OR2T35: variants seen among roughly 807,000 people sequenced by gnomAD.
The protein encoded by OR2T35 is olfactory receptor family 2 subfamily T member 35 (gene/pseudogene), also known as olfactory receptor 2T35.
For synonymous variants in OR2T35, 18 were observed against 110.2 expected, an observed-to-expected ratio of 0.16 and a Z score of 5.24; for missense variants, 47 against 278.8, an observed-to-expected ratio of 0.17 and a Z score of 5.92.
In OR2T35 at chr1:248,643,230, GC is replaced by G. The variant is rs1245381183; in HGVS notation, c.-23+2016del. ...TCAGTGTTCTTTCAGTAAAAGAATG[GC>G]ATGTCACCAACATGTTACTAATCCT... is the stretch of plus-strand genomic sequence containing the variant. On this transcript the variant is annotated intron_variant, in intron 1 of 1. Transcript: ENST00000641268. 8.2e-3 allele frequency among the ~76,000 whole-genome samples: 401 copies of G among 48,700 alleles called. 2 individuals are homozygous for G. Among genetic ancestry groups the G allele is most frequent in the African/African-American group, 0.032 (372 of 11,658 alleles). 31.9% of individuals were successfully genotyped at this position (48,700 alleles called of 152,430 possible).
At chr1:248,639,409 G>A (rs1660762657) in intron 1 of OR2T35, 129 bp from the exon 2 acceptor site, 1 of 635,058 alleles carries the variant, frequency 1.6e-6, no homozygotes, top group South Asian at 1.9e-5. Flanking sequence ...TTGAAATCCT[G>A]GGTTTCAGTA....
intron 1 of OR2T35, 133 bp downstream of exon 1, chr1:248,645,114 G>T (rs1337826811): frequency 9.4e-5 from 6 of 63,614 alleles, no homozygotes; most frequent in South Asian, 1.0e-3. Context: ...GAAGAGGTTT[G>T]CTTGGCTTAA....
chr1:248,637,019 C>A lies in OR2T35; in HGVS notation c.*1268G>T, dbSNP rs1660716129. 1 of 14,700 alleles carries A rather than the reference C, an allele frequency of 6.8e-5. No individual in the cohort carries two copies. The highest frequency in any genetic ancestry group is 7.9e-5 in the African/African-American group (1 of 12,594). The allele number at this position is 14,700 out of a possible 1,614,324, so 0.9% of individuals were successfully genotyped here. A position where few individuals can be genotyped will look rare whatever the true frequency, so the allele number is the denominator to read the frequency against. ...CCAAAGTTACACATCTATCAAAGCA[C>A]CACACCTAACTCCAACTAATTACAA... On this transcript the variant is annotated 3_prime_UTR_variant, in exon 2 of 2. Coordinates refer to ENST00000641268, the MANE Select transcript of OR2T35 (RefSeq NM_001001827.2).
At chr1:248,645,015 G>C (rs376171563) in intron 1 of OR2T35, among the ~76,000 whole-genome samples, 3 of 9,528 alleles carry the variant, frequency 3.1e-4, no homozygotes, top group Non-Finnish European at 1.8e-3. Flanking sequence ...AATGGTAACT[G>C]TTTTCATTCG....
In OR2T35 at chr1:248,645,069, G is replaced by A. The variant is rs1445050059; in HGVS notation, c.-23+178C>T. Among the ~76,000 whole-genome samples, 5 of 129,470 alleles carry A rather than the reference G, an allele frequency of 3.9e-5. 1 individual carries two copies. Among genetic ancestry groups the A allele is most frequent in the African/African-American group, 1.1e-4 (4 of 36,056 alleles). 84.9% of individuals were successfully genotyped at this position (129,470 alleles called of 152,430 possible). On this transcript the variant is annotated intron_variant, in intron 1 of 1. Transcript: ENST00000641268. ...TCCCTCCCATCCCAACTGACAATTT[G>A]GAAATTTTCAGTGTGGAAAGTTAGG...
In OR2T35 at chr1:248,638,224, T is replaced by C. The variant is rs1660728495; in HGVS notation, c.*63A>G. Reference sequence around the variant, plus strand: ...CCTGATCAGTCACCACCCCTGATGCTCTGGGAGTCCCCGCTAATCCTTCCC... The same window carrying C: ...CCTGATCAGTCACCACCCCTGATGCCCTGGGAGTCCCCGCTAATCCTTCCC... On this transcript the variant is annotated 3_prime_UTR_variant, in exon 2 of 2. Transcript: ENST00000641268. 1 of 964,588 alleles carries C rather than the reference T, an allele frequency of 1.0e-6. No homozygotes were observed. Among genetic ancestry groups the C allele is most frequent in the African/African-American group, 1.5e-5 (1 of 66,416 alleles). The allele number at this position is 964,588 out of a possible 1,614,324, so 59.8% of individuals were successfully genotyped here. A position where few individuals can be genotyped will look rare whatever the true frequency, so the allele number is the denominator to read the frequency against.
intron 1 of OR2T35, among the ~76,000 whole-genome samples, chr1:248,644,483 C>G (rs1040972011): frequency 3.2e-5 from 4 of 123,946 alleles, no homozygotes; most frequent in Admixed American, 7.7e-5. Context: ...TCAAAAGGCT[C>G]GAAAATGGGA....
At chr1:248,644,192 CTA>C (rs1221028851) in intron 1 of OR2T35, among the ~76,000 whole-genome samples, 3 of 119,604 alleles carry the variant, frequency 2.5e-5, no homozygotes, top group African/African-American at 6.1e-5. Context: ...TGCAGGTTAA[CTA>C]AAACTATGGA....
intron 1 of OR2T35, among the ~76,000 whole-genome samples, chr1:248,643,756 A>ATG (rs376375805): frequency 0.35 from 5,123 of 14,634 alleles, 610 homozygotes; most frequent in African/African-American, 0.4. Context: ...TTTCAGTTTG[A>ATG]TGTGACAGCA....
At chr1:248,643,080 TA>T (rs1205476690) in intron 1 of OR2T35, among the ~76,000 whole-genome samples, 1 of 131,266 alleles carries the variant, frequency 7.6e-6, no homozygotes, top group Non-Finnish European at 1.7e-5. Context: ...TGGGGATTTC[TA>T]AAAATGAAAA....
chr1:248,638,508 A>G lies in OR2T35; in HGVS notation c.751T>C (p.Phe251Leu). The G allele has an allele frequency of 1.4e-6, 2 of 1,418,050 alleles. No homozygotes were observed. Among genetic ancestry groups the G allele is most frequent in the Non-Finnish European group, 2.0e-6 (2 of 1,020,628 alleles). The allele number at this position is 1,418,050 out of a possible 1,614,324, so 87.8% of individuals were successfully genotyped here. Residue 251 changes from phenylalanine (F) to leucine (L), a missense_variant, in exon 2 of 2, where the codon TTC becomes CTC. Coordinates refer to ENST00000641268, the MANE Select transcript of OR2T35 (RefSeq NM_001001827.2). ...TTGGTGTAGAAGGCTGCCCCGTAGA[A>G]AACGCTCACCACCATAATGTGGGAG... ...CSSHIMVVSVFYGAAFYTNVL... is the reference protein window; with the variant it reads ...CSSHIMVVSVLYGAAFYTNVL...
chr1:248,644,526 G>GA (rs1266026150), intron 1 of OR2T35, among the ~76,000 whole-genome samples: 2 of 138,056 alleles, frequency 1.4e-5, no homozygotes, highest in Admixed American at 7.1e-5. Flanking sequence ...AGAGAGAGGG[G>GA]AGAGTCCAGT....
At position 248,645,001 on chromosome 1, in the gene OR2T35, T is replaced by G. The variant is rs1278381289; in HGVS notation, c.-23+246A>C. ...GTTACCACCCCCCTTTATCTGCCTA[T>G]TTAAATGGTAACTGTTTTCATTCGT... On this transcript the variant is annotated intron_variant, in intron 1 of 1. Transcript: ENST00000641268. Among the ~76,000 whole-genome samples the G allele has an allele frequency of 1.1e-3, 43 of 40,112 alleles. 1 individual carries two copies. In the Middle Eastern group the frequency reaches 0.045, roughly 42 times the overall value. 26.3% of individuals were successfully genotyped at this position (40,112 alleles called of 152,430 possible).
Position 248,636,870 on chromosome 1 carries a change from A to AAAT in OR2T35, c.*1416_*1417insATT, listed in dbSNP as rs1186327155. 3.2e-4 allele frequency: 1 copy of AAAT among 3,160 alleles called. No homozygotes were observed. The highest frequency in any genetic ancestry group is 3.5e-4 in the African/African-American group (1 of 2,862). 0.2% of individuals were successfully genotyped at this position (3,160 alleles called of 1,614,324 possible). On this transcript the variant is annotated 3_prime_UTR_variant, in exon 2 of 2. Coordinates refer to ENST00000641268, the MANE Select transcript of OR2T35 (RefSeq NM_001001827.2). ...ATGTTTTCTAAGCCTCGTATCAACAAAGAAAATAAACACCAGGTCCGTCAA... is the reference window on the plus strand; with the variant it reads ...ATGTTTTCTAAGCCTCGTATCAACAAAATAGAAAATAAACACCAGGTCCGTCAA...
intron 1 of OR2T35, among the ~76,000 whole-genome samples, chr1:248,642,232 A>G (rs564697147): frequency 3.3e-4 from 21 of 63,954 alleles, no homozygotes; most frequent in African/African-American, 5.7e-4. Flanking sequence ...AAAAAAAAAA[A>G]AAAGAAAAAG....
intron 1 of OR2T35, among the ~76,000 whole-genome samples, chr1:248,639,714 T>TGTAC (rs1314224620): frequency 1.7e-5 from 1 of 59,792 alleles, no homozygotes; most frequent in Non-Finnish European, 4.3e-5. Flanking sequence ...TCGAGATGAT[T>TGTAC]GTACTAGAGT....
rs1212726768 is a variant in OR2T35 at position 248,644,044 on chromosome 1, C to T, written c.-23+1203G>A. ...TAACCTAGACAGCTACTGAATGACT[C>T]GGGGTAGCATAGACAGTGTGAATCA... On this transcript the variant is annotated intron_variant, in intron 1 of 1. Coordinates refer to ENST00000641268, the MANE Select transcript of OR2T35 (RefSeq NM_001001827.2). Among the ~76,000 whole-genome samples the T allele has an allele frequency of 2.0e-4, 2 of 10,086 alleles. 1 individual carries two copies. The highest frequency in any genetic ancestry group is 0.11 in the Middle Eastern group (2 of 18). 6.6% of individuals were successfully genotyped at this position (10,086 alleles called of 152,430 possible).
rs1308031320 is a variant in OR2T35, at chr1:248,644,982, ACCCCCC to A, written c.-23+259_-23+264del. ...CTAATTACATACTGCCTTAGTTACCACCCCCCTTTATCTGCCTATTTAAATGGTAAC... is the reference window on the plus strand; with the variant it reads ...CTAATTACATACTGCCTTAGTTACCATTTATCTGCCTATTTAAATGGTAAC... On this transcript the variant is annotated intron_variant, in intron 1 of 1. Transcript: ENST00000641268. 1.8e-3 allele frequency among the ~76,000 whole-genome samples: 49 copies of A among 27,146 alleles called. 1 individual carries two copies. In the Middle Eastern group the frequency reaches 0.071, roughly 40 times the overall value. 17.8% of individuals were successfully genotyped at this position (27,146 alleles called of 152,430 possible). A position where few individuals can be genotyped will look rare whatever the true frequency, so the allele number is the denominator to read the frequency against.
chr1:248,638,375 T>G lies in OR2T35; in HGVS notation c.884A>C (p.Lys295Thr). ...LNPLIYSLRNKDVAAALRKVL... is the reference protein window; with the variant it reads ...LNPLIYSLRNTDVAAALRKVL... ...TTTCCTCAGAGCTGCAGCCACATCT[T>G]TATTCCTCAAGCTGTAGATGAGTGG... The change falls in exon 2 of 2, where the codon AAA becomes ACA. Residue 295 changes from lysine (K) to threonine (T), a missense_variant. Coordinates refer to ENST00000641268, the MANE Select transcript of OR2T35 (RefSeq NM_001001827.2). The G allele has an allele frequency of 9.6e-7, 1 of 1,046,462 alleles. No individual in the cohort carries two copies. Among genetic ancestry groups the G allele is most frequent in the East Asian group, 2.4e-5 (1 of 42,068 alleles). 64.8% of individuals were successfully genotyped at this position (1,046,462 alleles called of 1,614,324 possible).
Sources: gnomAD v4.1 joint callset for allele counts (sites outside exome capture counted in the v4.1 genomes callset) on GRCh38, gnomAD v4.1.1 for gene constraint, MANE v1.5 for transcripts, NCBI Gene and HGNC (gene_info 2026-07-23, HGNC 2026-07-21) for gene names.